The following USP13 variants were observed in gnomAD, a reference collection of about 807,000 sequenced individuals.
USP13 encodes the protein ubiquitin specific peptidase 13.
A neutral mutation model predicts 107.8 loss-of-function variants in USP13; 68 were observed. The observed-to-expected ratio is 0.63, with a 90% confidence interval of 0.52 to 0.77. USP13 has a LOEUF of 0.77. USP13 is among the 30% of genes least tolerant of loss of function. USP13 has a pLI of 0.00. For missense variants in USP13, 945 were observed against 1,093.3 expected (o/e 0.86, Z 1.91); for synonymous variants, 377 against 389.5 (o/e 0.97, Z 0.38).
intron 4 of USP13, among the ~76,000 whole-genome samples, chr3:179,703,870 TAA>T (rs748730685): frequency 6.6e-5 from 10 of 152,230 alleles, no homozygotes; most frequent in Middle Eastern, 3.2e-3. Flanking sequence ...TATTTAGTCG[TAA>T]GTTTTTATGA....
chr3:179,748,769 G>C (rs1714496676), intron 13 of USP13, among the ~76,000 whole-genome samples: 1 of 152,128 alleles, frequency 6.6e-6, no homozygotes, highest in Non-Finnish European at 1.5e-5. Flanking sequence ...CATAGTGTGG[G>C]GTTGCAGAGC....
chr3:179,769,120 C>T (rs981135748), intron 19 of USP13, among the ~76,000 whole-genome samples: 2 of 152,004 alleles, frequency 1.3e-5, no homozygotes, highest in Non-Finnish European at 2.9e-5. Flanking sequence ...ACATTCTATT[C>T]TATATATACA....
chr3:179,692,106 C>A lies in USP13; in HGVS notation c.355+1805C>A, dbSNP rs568171306. Among the ~76,000 whole-genome samples the A allele has an allele frequency of 3.9e-4, 60 of 152,206 alleles. 1 individual carries two copies. Among genetic ancestry groups the A allele is most frequent in the Non-Finnish European group, 7.3e-4 (50 of 68,036 alleles). Reference sequence around the variant, plus strand: ...CTGTGTGTGTGCACACACTTCTACACACACATACACATGTGTACATATATA... The same window carrying A: ...CTGTGTGTGTGCACACACTTCTACAAACACATACACATGTGTACATATATA... On this transcript the variant is annotated intron_variant, in intron 3 of 20. Coordinates refer to ENST00000263966, the MANE Select transcript of USP13 (RefSeq NM_003940.3).
intron 8 of USP13, among the ~76,000 whole-genome samples, chr3:179,724,207 T>G (rs573394014): frequency 6.6e-6 from 1 of 151,722 alleles, no homozygotes; most frequent in South Asian, 2.1e-4. Flanking sequence ...CCTGTAATCC[T>G]AGCACTTTGG....
At chr3:179,775,139 G>T (rs1036913830) in intron 19 of USP13, among the ~76,000 whole-genome samples, 3 of 151,316 alleles carry the variant, frequency 2.0e-5, no homozygotes, top group Non-Finnish European at 4.4e-5. Context: ...GTGCTGATTG[G>T]TGCGTTTACA....
At chr3:179,701,271 C>A in intron 4 of USP13, 142 bp downstream of exon 4, 1 of 1,103,314 alleles carries the variant, frequency 9.1e-7, no homozygotes, top group Non-Finnish European at 1.3e-6. Context: ...TGAGCATGAA[C>A]ACGCACATAC....
At chr3:179,767,527 C>T (rs1378682474) in intron 19 of USP13, among the ~76,000 whole-genome samples, 7 of 151,698 alleles carry the variant, frequency 4.6e-5, no homozygotes, top group South Asian at 2.1e-4. Context: ...CAGGTTCAAG[C>T]GATTCTCCTG....
intron 1 of USP13, among the ~76,000 whole-genome samples, chr3:179,656,702 C>T (rs1720272936): frequency 6.6e-6 from 1 of 152,210 alleles, no homozygotes; most frequent in Admixed American, 6.5e-5. Flanking sequence ...TCAAGTGGTT[C>T]TTGCTCTATG....
intron 2 of USP13, among the ~76,000 whole-genome samples, chr3:179,686,494 A>G (rs1298810900): frequency 6.6e-6 from 1 of 152,138 alleles, no homozygotes; most frequent in Non-Finnish European, 1.5e-5. Flanking sequence ...GGCGGGAGGA[A>G]TACTTGAGCC....
At chr3:179,747,712 C>T (rs1000482651) in intron 13 of USP13, among the ~76,000 whole-genome samples, 3 of 152,142 alleles carry the variant, frequency 2.0e-5, no homozygotes, top group Admixed American at 6.5e-5. Context: ...CTACCTTCCA[C>T]GTTAGCTTCT....
At chr3:179,699,352 A>G (rs899789453) in intron 3 of USP13, among the ~76,000 whole-genome samples, 1 of 152,140 alleles carries the variant, frequency 6.6e-6, no homozygotes, top group Non-Finnish European at 1.5e-5. Context: ...TTCTATTGCT[A>G]CCTAGTAATG....
chr3:179,688,637 C>G (rs1711983609), intron 2 of USP13, among the ~76,000 whole-genome samples: 1 of 152,218 alleles, frequency 6.6e-6, no homozygotes, highest in Non-Finnish European at 1.5e-5. Context: ...GTGAATCTCA[C>G]AGTCTGGGAC....
chr3:179,690,677 A>G (rs1393112359), intron 3 of USP13, among the ~76,000 whole-genome samples: 1 of 152,108 alleles, frequency 6.6e-6, no homozygotes, highest in African/African-American at 2.4e-5. Flanking sequence ...GGCTCAAGCC[A>G]TTCTCCCACC....
chr3:179,667,990 T>C (rs1720635891), intron 1 of USP13, among the ~76,000 whole-genome samples: 2 of 152,070 alleles, frequency 1.3e-5, no homozygotes, highest in African/African-American at 4.8e-5. Context: ...AAATGATGCC[T>C]CAGTAGAACA....
At chr3:179,743,926 G>GTT (rs35286740) in intron 12 of USP13, among the ~76,000 whole-genome samples, 4,798 of 126,128 alleles carry the variant, frequency 0.038, 331 homozygotes, top group African/African-American at 0.12. Context: ...TAAATAAGGA[G>GTT]TTTTTTTTTT....
chr3:179,670,975 G>T (rs2108443459), intron 1 of USP13, among the ~76,000 whole-genome samples: 1 of 152,208 alleles, frequency 6.6e-6, no homozygotes, highest in East Asian at 2.0e-4. Context: ...GGGATTACAG[G>T]TGTGAACCAC....
chr3:179,728,730 G>T (rs1487639493), intron 8 of USP13, among the ~76,000 whole-genome samples: 3 of 152,296 alleles, frequency 2.0e-5, no homozygotes, highest in South Asian at 2.1e-4. Context: ...CTGCAATCCC[G>T]GCACCTCGGG....
intron 19 of USP13, among the ~76,000 whole-genome samples, chr3:179,772,105 G>A (rs1255948288): frequency 3.3e-5 from 5 of 152,138 alleles, no homozygotes; most frequent in Non-Finnish European, 7.4e-5. Flanking sequence ...CTTTATCCCC[G>A]ATTGAGTCAT....
At chr3:179,720,153 GTTTTAGC>G (rs1297023599) in intron 7 of USP13, 119 bp downstream of exon 7, 2 of 625,298 alleles carry the variant, frequency 3.2e-6, no homozygotes, top group Admixed American at 7.8e-5. Context: ...CATTTTATAG[GTTTTAGC>G]TTTTAATTGT....
Sources: allele counts gnomAD v4.1 joint callset (sites outside exome capture counted in the v4.1 genomes callset), GRCh38; gene constraint gnomAD v4.1.1; transcripts MANE v1.5; gene names NCBI Gene and HGNC (gene_info 2026-07-23, HGNC 2026-07-21).